The following GRIA4 variants were observed in gnomAD, a reference collection of about 807,000 sequenced individuals.
GRIA4 encodes the protein glutamate ionotropic receptor AMPA type subunit 4.
In GRIA4, 34 loss-of-function variants were observed where a neutral mutation model predicts 104.0. The ratio of observed to expected loss-of-function variants is 0.33; its 90% CI spans 0.25 to 0.44. The LOEUF is 0.44. Among genes scored for constraint, GRIA4 ranks in the 20% least tolerant of loss-of-function variants. The pLI, the probability that GRIA4 is intolerant of heterozygous loss-of-function variation, is 1.00. For synonymous variants in GRIA4, 386 were observed against 381.9 expected, an observed-to-expected ratio of 1.01 and a Z score of -0.13; for missense variants, 750 against 1,096.5, an observed-to-expected ratio of 0.68 and a Z score of 4.46.
chr11:105,652,030 T>C (rs962185696), intron 3 of GRIA4, among the ~76,000 whole-genome samples: 11 of 152,162 alleles, frequency 7.2e-5, no homozygotes, highest in Non-Finnish European at 1.3e-4. Context: ...TATTTTACAC[T>C]TATCAGGCAT....
intron 4 of GRIA4, among the ~76,000 whole-genome samples, chr11:105,857,003 T>G (rs1945031147): frequency 6.6e-6 from 1 of 152,194 alleles, no homozygotes; most frequent in Non-Finnish European, 1.5e-5. Flanking sequence ...TGCTTATTTT[T>G]AGTATGCCCT....
At chr11:105,976,951 C>T (rs967607774) in intron 16 of GRIA4, among the ~76,000 whole-genome samples, 2 of 151,948 alleles carry the variant, frequency 1.3e-5, no homozygotes, top group Non-Finnish European at 2.9e-5. Flanking sequence ...TTAAGTAATA[C>T]ACTTCATTGC....
chr11:105,862,159 A>G lies in GRIA4; in HGVS notation c.623A>G (p.Lys208Arg), dbSNP rs1945249704. Residue 208 changes from lysine (K) to arginine (R), a missense_variant, in exon 5 of 17, where the codon AAG (lysine) becomes AGG (arginine). Lys to Arg is a conservative substitution (Grantham distance 26). Around this residue, in one of 3 missense-constraint regions of GRIA4, gnomAD observed 410 missense variants for 502.7 expected, o/e 0.82. Transcript: ENST00000282499. ...GAACTTGACAGAAGACAAGAGAAGA[A>G]GTTTGTAATAGACTGTGAGATAGAG... The part of the protein sequence containing the change: ...LEELDRRQEK[K>R]FVIDCEIERL... 2 of 1,605,868 alleles carry G rather than the reference A, an allele frequency of 1.2e-6. No individual in the cohort carries two copies. Among genetic ancestry groups the G allele is most frequent in the African/African-American group, 2.7e-5 (2 of 74,764 alleles).
intron 7 of GRIA4, among the ~76,000 whole-genome samples, chr11:105,902,689 AC>A (rs1212271080): frequency 6.6e-6 from 1 of 152,216 alleles, no homozygotes; most frequent in Admixed American, 6.5e-5. Flanking sequence ...ATTTGAAAGC[AC>A]AAAATCAAGG....
At chr11:105,918,475 C>A (rs1947470889) in intron 10 of GRIA4, among the ~76,000 whole-genome samples, 1 of 152,070 alleles carries the variant, frequency 6.6e-6, no homozygotes, top group Non-Finnish European at 1.5e-5. Context: ...GTTTTTAATA[C>A]TTTCTCAAAT....
chr11:105,709,876 T>G (rs900114409), intron 3 of GRIA4, among the ~76,000 whole-genome samples: 5 of 152,050 alleles, frequency 3.3e-5, no homozygotes, highest in African/African-American at 9.7e-5. Context: ...TGAGAAACAA[T>G]GGATTCTGAA....
intron 4 of GRIA4, among the ~76,000 whole-genome samples, chr11:105,846,442 G>T (rs760548159): frequency 6.6e-6 from 1 of 151,946 alleles, no homozygotes; most frequent in Non-Finnish European, 1.5e-5. Flanking sequence ...TACAATGAAT[G>T]CATGTATACA....
At chr11:105,662,867 G>A (rs923035438) in intron 3 of GRIA4, among the ~76,000 whole-genome samples, 2 of 151,836 alleles carry the variant, frequency 1.3e-5, no homozygotes, top group African/African-American at 4.8e-5. Context: ...CAACAGAAGG[G>A]CCCTCTGTGT....
At position 105,830,514 on chromosome 11, in the gene GRIA4, C is replaced by G. The variant is rs141228564; in HGVS notation, c.488-31510C>G. Among the ~76,000 whole-genome samples the G allele has an allele frequency of 8.9e-4, 136 of 152,116 alleles. 1 individual carries two copies. Among genetic ancestry groups the G allele is most frequent in the Non-Finnish European group, 1.8e-3 (120 of 67,942 alleles). On this transcript the variant is annotated intron_variant, in intron 4 of 16. Transcript: ENST00000282499. Reference sequence around the variant, plus strand: ...CTTTTCTCTGCTGGCTGGCTCATAGCCCCTATAGAGTTGATGATGGCACTA... The same window carrying G: ...CTTTTCTCTGCTGGCTGGCTCATAGGCCCTATAGAGTTGATGATGGCACTA...
chr11:105,735,021 T>C (rs1938843916), intron 3 of GRIA4, among the ~76,000 whole-genome samples: 1 of 152,142 alleles, frequency 6.6e-6, no homozygotes, highest in Non-Finnish European at 1.5e-5. Context: ...TTTCGCATAT[T>C]CTCAAAATCA....
At position 105,964,353 on chromosome 11, in the gene GRIA4, T is replaced by C. The variant is rs73552612; in HGVS notation, c.2295-7561T>C. ...GTGTGTGGTTTACTTATGAGAACTG[T>C]TTACTCTCCAAGTGGATCAGATCAT... On this transcript the variant is annotated intron_variant, in intron 14 of 16. Transcript: ENST00000282499. Among the ~76,000 whole-genome samples, 345 of 152,310 alleles carry C rather than the reference T, an allele frequency of 2.3e-3. 2 individuals are homozygous for C. Among genetic ancestry groups the C allele is most frequent in the African/African-American group, 8.0e-3 (334 of 41,564 alleles).
chr11:105,852,358 G>T (rs539567283), intron 4 of GRIA4, among the ~76,000 whole-genome samples: 1 of 152,280 alleles, frequency 6.6e-6, no homozygotes, highest in South Asian at 2.1e-4. Context: ...ACAGTGGAAT[G>T]AAGCTGATTT....
chr11:105,667,010 G>T (rs1307773131), intron 3 of GRIA4, among the ~76,000 whole-genome samples: 2 of 151,620 alleles, frequency 1.3e-5, no homozygotes, highest in African/African-American at 4.8e-5. Flanking sequence ...GGCATGAAGT[G>T]GTTCCTACAA....
In GRIA4 at chr11:105,866,632, C is replaced by T. The variant is rs1392760782; in HGVS notation, c.672+4424C>T. Among the ~76,000 whole-genome samples, 29 of 143,522 alleles carry T rather than the reference C, an allele frequency of 2.0e-4. No individual in the cohort carries two copies. The East Asian group carries it at 6.0e-3, about 30-fold the overall frequency. 94.2% of individuals were successfully genotyped at this position (143,522 alleles called of 152,430 possible). ...GATACAGTGCTAAGCAAAACCGATA[C>T]ATTTTCTGCTATGGTTAGTAACTCC... On this transcript the variant is annotated intron_variant, in intron 5 of 16. Transcript: ENST00000282499.
intron 13 of GRIA4, among the ~76,000 whole-genome samples, chr11:105,928,550 A>G (rs978444341): frequency 1.3e-4 from 16 of 126,372 alleles, no homozygotes; most frequent in African/African-American, 4.3e-4. Context: ...TCCCATCCAT[A>G]TAAGTAAGCA....
In GRIA4 at chr11:105,812,035, G is replaced by A. The variant is rs180856048; in HGVS notation, c.488-49989G>A. Among the ~76,000 whole-genome samples the A allele has an allele frequency of 1.8e-3, 269 of 152,298 alleles. 3 individuals are homozygous for A. Among genetic ancestry groups the A allele is most frequent in the East Asian group, 9.1e-3 (47 of 5,186 alleles). On this transcript the variant is annotated intron_variant, in intron 4 of 16. Coordinates refer to ENST00000282499, the MANE Select transcript of GRIA4 (RefSeq NM_000829.4). ...GATGCTCCATTACTGCACTCAGGGC[G>A]GGTGCCTGGAAGGCTGGGAGAGTGC...
chr11:105,804,354 GCA>G lies in GRIA4; in HGVS notation c.487+51156_487+51157del, dbSNP rs35265620. 4.3e-3 allele frequency among the ~76,000 whole-genome samples: 629 copies of G among 147,842 alleles called. 7 individuals carry two copies. Among genetic ancestry groups the G allele is most frequent in the Non-Finnish European group, 5.0e-3 (330 of 66,578 alleles). Reference sequence around the variant, plus strand: ...TTTATTAAAACACACAAACACACATGCACACACACACACACACACACACGCAC... The same window carrying G: ...TTTATTAAAACACACAAACACACATGCACACACACACACACACACACGCAC... On this transcript the variant is annotated intron_variant, in intron 4 of 16. Transcript: ENST00000282499.
intron 3 of GRIA4, among the ~76,000 whole-genome samples, chr11:105,618,832 T>C (rs74511645): frequency 0.011 from 1,663 of 151,434 alleles, 27 homozygotes; most frequent in African/African-American, 0.039. Context: ...AGAACCAATG[T>C]TTGAGGGGAA....
chr11:105,969,434 G>C (rs1191497297), intron 14 of GRIA4, among the ~76,000 whole-genome samples: 1 of 152,140 alleles, frequency 6.6e-6, no homozygotes, highest in East Asian at 1.9e-4. Context: ...TATTCAAAGT[G>C]TTAATCTAAT....
Sources: gnomAD v4.1 joint callset for allele counts (sites outside exome capture counted in the v4.1 genomes callset) on GRCh38, gnomAD v4.1.1 for gene constraint, gnomAD v4.1.1 regional missense constraint, MANE v1.5 for transcripts, NCBI Gene and HGNC (gene_info 2026-07-23, HGNC 2026-07-21) for gene names.